The following DLGAP1 variants were observed in gnomAD, a reference collection of about 807,000 sequenced individuals.
DLGAP1 encodes the protein disks large-associated protein 1.
DLGAP1 carries 11 observed loss-of-function variants against 90.8 expected under a neutral mutation model. The observed-to-expected ratio is 0.12, with a 90% confidence interval of 0.08 to 0.20. The LOEUF (loss-of-function observed/expected upper bound fraction) is 0.20, where lower values mean the gene tolerates loss of function less well. Among genes scored for constraint, DLGAP1 ranks in the 10% least tolerant of loss-of-function variants. The pLI, the probability that DLGAP1 is intolerant of heterozygous loss-of-function variation, is 1.00. For missense variants in DLGAP1, 1,050 were observed against 1,333.8 expected, an observed-to-expected ratio of 0.79 and a Z score of 3.31; for synonymous variants, 558 against 540.7, an observed-to-expected ratio of 1.03 and a Z score of -0.44.
At chr18:3,554,579 C>T (rs919415589) in intron 9 of DLGAP1, among the ~76,000 whole-genome samples, 5 of 152,184 alleles carry the variant, frequency 3.3e-5, no homozygotes, top group Non-Finnish European at 5.9e-5. Context: ...TGTGCATTTG[C>T]GATCCATGGC....
chr18:4,430,110 C>T (rs2083251855), intron 1 of DLGAP1, among the ~76,000 whole-genome samples: 1 of 152,096 alleles, frequency 6.6e-6, no homozygotes, highest in South Asian at 2.1e-4. Flanking sequence ...TCATGGAGGA[C>T]AGGAGGGCGC....
intron 1 of DLGAP1, among the ~76,000 whole-genome samples, chr18:4,233,423 A>G (rs1478920779): frequency 6.6e-6 from 1 of 152,154 alleles, no homozygotes. Flanking sequence ...TATTTTTCTC[A>G]CTAATAGGCT....
intron 1 of DLGAP1, among the ~76,000 whole-genome samples, chr18:4,450,489 C>T (rs2083795133): frequency 1.3e-5 from 2 of 152,168 alleles, no homozygotes; most frequent in Admixed American, 6.5e-5. Context: ...TCCCACAAGC[C>T]GCCTGAGGGA....
At chr18:3,589,871 A>C (rs555782946) in intron 7 of DLGAP1, among the ~76,000 whole-genome samples, 42 of 152,310 alleles carry the variant, frequency 2.8e-4, no homozygotes, top group African/African-American at 9.1e-4. Flanking sequence ...GATTTGGTCC[A>C]GGTGATCAGC....
chr18:3,926,550 C>G (rs1014708265), intron 3 of DLGAP1, among the ~76,000 whole-genome samples: 2 of 151,868 alleles, frequency 1.3e-5, no homozygotes, highest in East Asian at 3.9e-4. Context: ...AGACACATCT[C>G]TCTCTATACA....
At chr18:4,261,749 A>C (rs2145267479) in intron 1 of DLGAP1, among the ~76,000 whole-genome samples, 1 of 152,314 alleles carries the variant, frequency 6.6e-6, no homozygotes, top group South Asian at 2.1e-4. Flanking sequence ...ACATCTGATG[A>C]AATGGGCTCG....
At chr18:4,073,743 A>G (rs1023996043) in intron 2 of DLGAP1, among the ~76,000 whole-genome samples, 6 of 152,174 alleles carry the variant, frequency 3.9e-5, no homozygotes, top group African/African-American at 1.4e-4. Flanking sequence ...AAAATTTGAC[A>G]CTGATAGGAG....
intron 2 of DLGAP1, among the ~76,000 whole-genome samples, chr18:4,074,664 A>G (rs1017008735): frequency 6.6e-6 from 1 of 152,058 alleles, no homozygotes; most frequent in Non-Finnish European, 1.5e-5. Flanking sequence ...TTAACATTTT[A>G]TTTATGGTGT....
At chr18:3,832,625 GA>G (rs905731545) in intron 4 of DLGAP1, among the ~76,000 whole-genome samples, 33 of 142,260 alleles carry the variant, frequency 2.3e-4, no homozygotes, top group Admixed American at 8.4e-4. Flanking sequence ...TAAACATCCA[GA>G]AAAAAAAAAT....
At chr18:3,873,144 C>A (rs552871568) in intron 4 of DLGAP1, among the ~76,000 whole-genome samples, 28 of 152,244 alleles carry the variant, frequency 1.8e-4, no homozygotes, top group South Asian at 1.2e-3. Context: ...TGCTTTCTCA[C>A]AATGTTTTGT....
At chr18:3,663,704 T>C (rs565607036) in intron 7 of DLGAP1, among the ~76,000 whole-genome samples, 2 of 152,236 alleles carry the variant, frequency 1.3e-5, no homozygotes, top group Admixed American at 1.3e-4. Context: ...GAGCCCACAC[T>C]CCCAGCCATT....
chr18:4,070,299 A>G (rs1021831474), intron 2 of DLGAP1, among the ~76,000 whole-genome samples: 2 of 151,720 alleles, frequency 1.3e-5, no homozygotes, highest in African/African-American at 4.8e-5. Context: ...TGCATTTTCT[A>G]CCCAACTTTT....
At chr18:4,357,782 C>T (rs944868708) in intron 1 of DLGAP1, among the ~76,000 whole-genome samples, 1 of 152,186 alleles carries the variant, frequency 6.6e-6, no homozygotes, top group Non-Finnish European at 1.5e-5. Flanking sequence ...CACTGATTAA[C>T]AAACAGGCCC....
chr18:3,901,443 C>A (rs776439836), intron 3 of DLGAP1, among the ~76,000 whole-genome samples: 4 of 152,070 alleles, frequency 2.6e-5, no homozygotes, highest in Non-Finnish European at 5.9e-5. Context: ...CACTGCTTGT[C>A]AATAACAAGC....
intron 1 of DLGAP1, among the ~76,000 whole-genome samples, chr18:4,237,788 C>T (rs986790711): frequency 2.6e-5 from 4 of 151,946 alleles, no homozygotes; most frequent in African/African-American, 9.7e-5. Context: ...TGAACTTAAA[C>T]TAAGTTATGT....
intron 5 of DLGAP1, among the ~76,000 whole-genome samples, chr18:3,753,923 CA>C (rs1568073977): frequency 6.6e-6 from 1 of 152,172 alleles, no homozygotes. Context: ...CTGCAAATAC[CA>C]AAACCTGGAG....
chr18:3,804,226 C>T (rs1182843923), intron 5 of DLGAP1, among the ~76,000 whole-genome samples: 1 of 152,084 alleles, frequency 6.6e-6, no homozygotes, highest in Non-Finnish European at 1.5e-5. Context: ...CTCAAGTGAT[C>T]TGCCTGCCCT....
chr18:3,872,216 T>G (rs567556736), intron 4 of DLGAP1, among the ~76,000 whole-genome samples: 144 of 121,382 alleles, frequency 1.2e-3, no homozygotes, highest in African/African-American at 4.4e-3. Flanking sequence ...ACGTGAGTGC[T>G]CTCCAAGACA....
At chr18:4,234,195 A>G (rs2078359043) in intron 1 of DLGAP1, among the ~76,000 whole-genome samples, 2 of 151,904 alleles carry the variant, frequency 1.3e-5, no homozygotes, top group African/African-American at 4.8e-5. Flanking sequence ...TACCAAGAAC[A>G]TCTTGACAAA....
Sources: gnomAD v4.1 joint callset for allele counts (sites outside exome capture counted in the v4.1 genomes callset) on GRCh38, gnomAD v4.1.1 for gene constraint, MANE v1.5 for transcripts, NCBI Gene and HGNC (gene_info 2026-07-23, HGNC 2026-07-21) for gene names.